TEAD4: variants seen among roughly 807,000 people sequenced by gnomAD.
The protein encoded by TEAD4 is transcriptional enhancer factor TEF-3.
In TEAD4, 36 loss-of-function variants were observed where a neutral mutation model predicts 52.4. That is an observed-to-expected ratio of 0.69 (90% confidence interval 0.53 to 0.91). The LOEUF (loss-of-function observed/expected upper bound fraction) is 0.91, where lower values mean the gene tolerates loss of function less well. Ranked by LOEUF, TEAD4 falls within the 40% of genes least tolerant of loss-of-function variation. The pLI is 0.00. For synonymous variants in TEAD4, 220 were observed against 231.0 expected (o/e 0.95, Z 0.43); for missense variants, 508 against 583.9 (o/e 0.87, Z 1.34).
chr12:2,973,145 C>T lies in TEAD4; in HGVS notation c.-30+13105C>T, dbSNP rs1401895690. ...TCTTTCACTCAGCAAGGTCATAGCT[C>T]ACTGCAGCCTTGACCACCCAGGCTC... On this transcript the variant is annotated intron_variant, in intron 2 of 12. Coordinates refer to ENST00000359864, the MANE Select transcript of TEAD4 (RefSeq NM_003213.4). 6.6e-5 allele frequency among the ~76,000 whole-genome samples: 10 copies of T among 152,206 alleles called. No individual in the cohort carries two copies. The East Asian group carries it at 1.7e-3, about 26-fold the overall frequency.
At chr12:3,034,490 A>G (rs1292010186) in intron 10 of TEAD4, among the ~76,000 whole-genome samples, 1 of 152,134 alleles carries the variant, frequency 6.6e-6, no homozygotes, top group African/African-American at 2.4e-5. Flanking sequence ...GCAGGGTAAT[A>G]GAGGGGGATC....
intron 2 of TEAD4, among the ~76,000 whole-genome samples, chr12:2,977,130 G>A (rs1331131683): frequency 6.6e-6 from 1 of 152,108 alleles, no homozygotes. Context: ...GTTATTTGGG[G>A]AGATTGAGAT....
chr12:3,020,557 C>T (rs998481466), intron 8 of TEAD4, 77 bp from the exon 9 acceptor site: 1 of 1,441,284 alleles, frequency 6.9e-7, no homozygotes, highest in Non-Finnish European at 9.2e-7. Flanking sequence ...TCCGAGGAGG[C>T]CTGGGGTCCT....
rs796270929 is a variant in TEAD4, at chr12:2,983,546, G to T, written c.-29-11192G>T. On this transcript the variant is annotated intron_variant, in intron 2 of 12. Coordinates refer to ENST00000359864, the MANE Select transcript of TEAD4 (RefSeq NM_003213.4). ...AATGAGGCCCAGAAAAATGAGAGGT[G>T]GTTTGTCTGTGGTTGTGTAGTTGGT... 2.6e-5 allele frequency among the ~76,000 whole-genome samples: 4 copies of T among 152,254 alleles called. No individual in the cohort carries two copies. In the South Asian group the frequency reaches 8.3e-4, roughly 32 times the overall value.
At chr12:2,976,008 ATTTT>A (rs61140040) in intron 2 of TEAD4, among the ~76,000 whole-genome samples, 104 of 145,324 alleles carry the variant, frequency 7.2e-4, no homozygotes, top group Non-Finnish European at 7.1e-4. Flanking sequence ...TTCATAGCTC[ATTTT>A]TTTTTTTTTT....
At chr12:2,977,812 A>T (rs2098230994) in intron 2 of TEAD4, among the ~76,000 whole-genome samples, 1 of 151,904 alleles carries the variant, frequency 6.6e-6, no homozygotes, top group South Asian at 2.1e-4. Context: ...AGAGGAAGGC[A>T]CTCCAGTGGT....
intron 3 of TEAD4, among the ~76,000 whole-genome samples, chr12:3,009,937 G>T (rs1565541032): frequency 6.6e-6 from 1 of 152,192 alleles, no homozygotes; most frequent in South Asian, 2.1e-4. Context: ...TACAACCCAG[G>T]TGGCAGGCAG....
intron 2 of TEAD4, among the ~76,000 whole-genome samples, chr12:2,973,490 A>C (rs2098226933): frequency 6.6e-6 from 1 of 152,206 alleles, no homozygotes; most frequent in Admixed American, 6.5e-5. Flanking sequence ...GGAGTGAGGA[A>C]CTCTGAAAGT....
chr12:2,987,411 T>C (rs1468925220), intron 2 of TEAD4, among the ~76,000 whole-genome samples: 1 of 95,590 alleles, frequency 1.0e-5, no homozygotes, highest in Non-Finnish European at 2.2e-5. Context: ...CAGCTTGTTT[T>C]TTTTGTTTGT....
At chr12:2,975,379 TTATTATTATTATTATTATTATTAC>T (rs1454345089) in intron 2 of TEAD4, among the ~76,000 whole-genome samples, 14 of 146,560 alleles carry the variant, frequency 9.6e-5, no homozygotes, top group African/African-American at 2.9e-4. Context: ...ATTATTATTA[TTATTATTATTATTATTATTATTAC>T]TAGAGATGGA....
At chr12:2,979,627 C>T (rs1334995659) in intron 2 of TEAD4, among the ~76,000 whole-genome samples, 1 of 152,192 alleles carries the variant, frequency 6.6e-6, no homozygotes, top group Non-Finnish European at 1.5e-5. Context: ...AGCAAGTTGG[C>T]AAACTTGCAA....
intron 9 of TEAD4, 43 bp from the exon 10 acceptor site, chr12:3,021,801 T>C (rs1038283481): frequency 1.3e-5 from 20 of 1,597,644 alleles, no homozygotes; most frequent in Non-Finnish European, 1.6e-5. Context: ...TGTCTGACCG[T>C]CTGGCCTGTG....
intron 2 of TEAD4, among the ~76,000 whole-genome samples, chr12:2,984,716 A>G (rs542369557): frequency 6.6e-6 from 1 of 152,356 alleles, no homozygotes; most frequent in Admixed American, 6.5e-5. Context: ...TCTATAGGCA[A>G]CTATAACACA....
At chr12:2,971,303 C>T (rs551523638) in intron 2 of TEAD4, among the ~76,000 whole-genome samples, 1 of 151,602 alleles carries the variant, frequency 6.6e-6, no homozygotes. Flanking sequence ...TTCTGACAAG[C>T]GTGTATATGT....
chr12:2,997,491 A>C (rs781261235), intron 3 of TEAD4, among the ~76,000 whole-genome samples: 6 of 152,102 alleles, frequency 3.9e-5, no homozygotes, highest in Non-Finnish European at 8.8e-5. Context: ...GCTTTGGTGG[A>C]GGAGGGGATG....
At chr12:2,973,697 C>G (rs2098227109) in intron 2 of TEAD4, among the ~76,000 whole-genome samples, 1 of 152,218 alleles carries the variant, frequency 6.6e-6, no homozygotes, top group Non-Finnish European at 1.5e-5. Flanking sequence ...GGGCATCCTT[C>G]CTGCCTGGCG....
chr12:2,971,668 G>T (rs1323438809), intron 2 of TEAD4, among the ~76,000 whole-genome samples: 2 of 151,268 alleles, frequency 1.3e-5, no homozygotes, highest in Non-Finnish European at 2.9e-5. Flanking sequence ...GTAGAGACGG[G>T]GTTTCACCAT....
chr12:2,960,387 A>C, intron 2 of TEAD4: 1 of 985,530 alleles, frequency 1.0e-6, no homozygotes, highest in Non-Finnish European at 1.2e-6. Context: ...TGCAAAGGCG[A>C]TGCGAAAGTC....
intron 3 of TEAD4, among the ~76,000 whole-genome samples, chr12:3,002,823 T>C (rs1380626647): frequency 2.0e-5 from 3 of 151,816 alleles, no homozygotes; most frequent in Non-Finnish European, 2.9e-5. Flanking sequence ...TGCAAGCTTC[T>C]TGGGGCTTCC....
Sources: gnomAD v4.1 joint callset for allele counts (sites outside exome capture counted in the v4.1 genomes callset) on GRCh38, gnomAD v4.1.1 for gene constraint, MANE v1.5 for transcripts, NCBI Gene and HGNC (gene_info 2026-07-23, HGNC 2026-07-21) for gene names.